Variants in UMAD1 observed in about 807,000 individuals in gnomAD.
UMAD1 encodes UBAP1-MVB12-associated (UMA)-domain containing protein 1.
In UMAD1, 8 loss-of-function variants were observed where a neutral mutation model predicts 6.1. The ratio of observed to expected loss-of-function variants is 1.30; its 90% CI spans 0.76 to 2.35. The LOEUF is 2.35. UMAD1 is among the 30% of genes most tolerant of loss of function. UMAD1 has a pLI of 0.00. For synonymous variants in UMAD1, 56 were observed against 31.4 expected (o/e 1.78, Z -2.61); for missense variants, 130 against 78.4 (o/e 1.66, Z -2.49).
intron 2 of UMAD1, among the ~76,000 whole-genome samples, chr7:7,775,466 C>T (rs1018367168): frequency 2.6e-5 from 4 of 152,180 alleles, no homozygotes; most frequent in African/African-American, 9.7e-5. Flanking sequence ...CTCTTTCCTG[C>T]CACCCTTTGA....
chr7:7,646,480 A>ATTTTTTTTTT (rs35948027), intron 1 of UMAD1, among the ~76,000 whole-genome samples: 2 of 111,360 alleles, frequency 1.8e-5, no homozygotes, highest in Non-Finnish European at 3.5e-5. Flanking sequence ...CTTTCGCTGG[A>ATTTTTTTTTT]TTTTTTTTTT....
intron 1 of UMAD1, among the ~76,000 whole-genome samples, chr7:7,659,805 T>C (rs756597365): frequency 1.3e-5 from 2 of 152,208 alleles, no homozygotes; most frequent in Non-Finnish European, 2.9e-5. Context: ...GTTCTGTAGA[T>C]GTTTATTAGG....
intron 1 of UMAD1, among the ~76,000 whole-genome samples, chr7:7,672,546 A>G (rs928983390): frequency 2.0e-5 from 3 of 152,172 alleles, no homozygotes; most frequent in African/African-American, 7.2e-5. Flanking sequence ...TGTCGAGGGC[A>G]GGACCAGGTG....
chr7:7,859,027 A>T (rs6974910), intron 3 of UMAD1, among the ~76,000 whole-genome samples: 1 of 151,994 alleles, frequency 6.6e-6, no homozygotes, highest in South Asian at 2.1e-4. Flanking sequence ...GAGGCCAGCA[A>T]TCTTGAAAGT....
Position 7,774,738 on chromosome 7 carries a change from T to A in UMAD1, c.83-26932T>A. Among the ~76,000 whole-genome samples the A allele has an allele frequency of 1.3e-5, 2 of 152,208 alleles. 1 individual carries two copies. The highest frequency in any genetic ancestry group is 2.9e-5 in the Non-Finnish European group (2 of 68,042). ...CCACTGCTTTCTCATAACACCAATTTCAACTCTTGTCATCCTTCTCAAGCC... is the reference window on the plus strand; with the variant it reads ...CCACTGCTTTCTCATAACACCAATTACAACTCTTGTCATCCTTCTCAAGCC... On this transcript the variant is annotated intron_variant, in intron 2 of 3. Transcript: ENST00000682710.
intron 3 of UMAD1, among the ~76,000 whole-genome samples, chr7:7,844,158 A>T (rs1783739182): frequency 6.6e-6 from 1 of 152,186 alleles, no homozygotes; most frequent in African/African-American, 2.4e-5. Context: ...CTTTCTCTTA[A>T]CAAGAGGCTG....
chr7:7,686,078 G>A (rs1467236814), intron 2 of UMAD1: 3 of 152,210 alleles, frequency 2.0e-5, no homozygotes, highest in African/African-American at 7.2e-5. Context: ...AGCTACTTGG[G>A]AAGAGTTGAC....
chr7:7,723,555 C>A (rs1781088059), intron 2 of UMAD1, among the ~76,000 whole-genome samples: 1 of 152,142 alleles, frequency 6.6e-6, no homozygotes, highest in African/African-American at 2.4e-5. Context: ...CTCTTCCCAG[C>A]TGGGAGGGTC....
chr7:7,734,569 C>G (rs1781313652), intron 2 of UMAD1, among the ~76,000 whole-genome samples: 1 of 152,046 alleles, frequency 6.6e-6, no homozygotes, highest in Non-Finnish European at 1.5e-5. Context: ...TCATTATATT[C>G]AAAAGTATAT....
At chr7:7,817,588 A>G (rs1235911841) in intron 3 of UMAD1, among the ~76,000 whole-genome samples, 1 of 152,194 alleles carries the variant, frequency 6.6e-6, no homozygotes, top group East Asian at 1.9e-4. Context: ...CCATGATACC[A>G]GCTGAATGAT....
chr7:7,696,751 T>C (rs942222816), intron 2 of UMAD1, among the ~76,000 whole-genome samples: 3 of 152,184 alleles, frequency 2.0e-5, no homozygotes, highest in African/African-American at 7.2e-5. Context: ...CACTGATTCT[T>C]GCCAACTGGT....
intron 2 of UMAD1, among the ~76,000 whole-genome samples, chr7:7,778,379 T>C: frequency 6.6e-6 from 1 of 152,114 alleles, no homozygotes; most frequent in Non-Finnish European, 1.5e-5. Context: ...TTCATGGTAC[T>C]GTTCTTTCAA....
At chr7:7,813,806 G>A (rs1309669830) in intron 3 of UMAD1, among the ~76,000 whole-genome samples, 1 of 152,142 alleles carries the variant, frequency 6.6e-6, no homozygotes, top group African/African-American at 2.4e-5. Flanking sequence ...CATTGCCTTA[G>A]TCCTGCACAG....
At chr7:7,820,207 T>C (rs149125684) in intron 3 of UMAD1, among the ~76,000 whole-genome samples, 4 of 25,110 alleles carry the variant, frequency 1.6e-4, no homozygotes, top group South Asian at 1.4e-3. Context: ...ATGAGAATTA[T>C]TGATTAAATT....
intron 2 of UMAD1, among the ~76,000 whole-genome samples, chr7:7,773,077 G>A (rs1327751898): frequency 6.6e-6 from 1 of 152,158 alleles, no homozygotes; most frequent in African/African-American, 2.4e-5. Context: ...TTTGTAACAA[G>A]TGCAAACTAA....
chr7:7,667,867 T>G (rs1043197504), intron 1 of UMAD1, among the ~76,000 whole-genome samples: 1 of 152,224 alleles, frequency 6.6e-6, no homozygotes, highest in Non-Finnish European at 1.5e-5. Flanking sequence ...GGTTTAAGAT[T>G]GTGCTCTACT....
intron 2 of UMAD1, among the ~76,000 whole-genome samples, chr7:7,711,222 T>C (rs747525682): frequency 2.6e-5 from 4 of 152,332 alleles, no homozygotes; most frequent in South Asian, 4.1e-4. Flanking sequence ...GATATTTCCA[T>C]ATAATTTCTC....
At chr7:7,817,581 T>C (rs1005039340) in intron 3 of UMAD1, among the ~76,000 whole-genome samples, 10 of 152,220 alleles carry the variant, frequency 6.6e-5, no homozygotes, top group African/African-American at 4.8e-5. Flanking sequence ...ATAATTCCCA[T>C]GATACCAGCT....
At chr7:7,818,406 A>G (rs757456805) in intron 3 of UMAD1, among the ~76,000 whole-genome samples, 2 of 152,196 alleles carry the variant, frequency 1.3e-5, no homozygotes, top group Non-Finnish European at 2.9e-5. Flanking sequence ...CAACAATCAT[A>G]TGAAAAAAAG....
Sources: gnomAD v4.1 joint callset for allele counts (sites outside exome capture counted in the v4.1 genomes callset) on GRCh38, gnomAD v4.1.1 for gene constraint, MANE v1.5 for transcripts, NCBI Gene and HGNC (gene_info 2026-07-23, HGNC 2026-07-21) for gene names.